Variants in TSPAN14 observed in about 807,000 individuals in gnomAD.
TSPAN14 encodes tetraspanin 14, also known as tetraspanin-14.
A neutral mutation model predicts 36.6 loss-of-function variants in TSPAN14; 16 were observed. That is an observed-to-expected ratio of 0.44 (90% CI 0.30 to 0.66). TSPAN14 has a LOEUF of 0.66. Among genes scored for constraint, TSPAN14 ranks in the 30% least tolerant of loss-of-function variants. The pLI is 0.12. For missense variants in TSPAN14, 231 were observed against 355.1 expected, an observed-to-expected ratio of 0.65 and a Z score of 2.81; for synonymous variants, 139 against 143.8, an observed-to-expected ratio of 0.97 and a Z score of 0.24.
chr10:80,458,097 C>T (rs552203113), intron 1 of TSPAN14, among the ~76,000 whole-genome samples: 17 of 152,316 alleles, frequency 1.1e-4, no homozygotes, highest in African/African-American at 4.1e-4. Flanking sequence ...CCATCCGCTA[C>T]CTGGATGTGG....
Position 80,500,314 on chromosome 10 carries a change from CTTTTTTTTTTTTTT to C in TSPAN14, c.82-4395_82-4382del, listed in dbSNP as rs144759161. Among the ~76,000 whole-genome samples, 73 of 47,896 alleles carry C rather than the reference CTTTTTTTTTTTTTT, an allele frequency of 1.5e-3. 1 individual carries two copies. The highest frequency in any genetic ancestry group is 4.0e-3 in the African/African-American group (47 of 11,686). The allele number at this position is 47,896 out of a possible 152,430, so 31.4% of individuals were successfully genotyped here. On this transcript the variant is annotated intron_variant, in intron 2 of 8. Transcript: ENST00000429989. The stretch of plus-strand genomic sequence containing the variant: ...AATGAAAACAACACAAGGCCTTATT[CTTTTTTTTTTTTTT>C]TTTTTTTTTTTTTTTTTTGAGACGA...
At chr10:80,506,736 T>G (rs1190073255) in intron 3 of TSPAN14, among the ~76,000 whole-genome samples, 1 of 152,236 alleles carries the variant, frequency 6.6e-6, no homozygotes, top group Non-Finnish European at 1.5e-5. Context: ...AACACCTCCA[T>G]TGGTGTAGAA....
intron 5 of TSPAN14, among the ~76,000 whole-genome samples, chr10:80,511,372 G>C (rs150226780): frequency 6.6e-6 from 1 of 152,162 alleles, no homozygotes; most frequent in Non-Finnish European, 1.5e-5. Flanking sequence ...GAATTCACTT[G>C]CAAGTTTCTC....
intron 1 of TSPAN14, among the ~76,000 whole-genome samples, chr10:80,478,333 TAATA>T (rs967923717): frequency 1.3e-5 from 2 of 151,594 alleles, no homozygotes; most frequent in Non-Finnish European, 2.9e-5. Flanking sequence ...AGGAGATGAA[TAATA>T]AATAAGGCAG....
intron 1 of TSPAN14, among the ~76,000 whole-genome samples, chr10:80,469,780 C>T (rs573199265): frequency 1.3e-5 from 2 of 152,258 alleles, no homozygotes; most frequent in Admixed American, 1.3e-4. Flanking sequence ...TGTTTTAGCT[C>T]TGTAAATCTT....
At chr10:80,474,727 G>A (rs1446941430) in intron 1 of TSPAN14, among the ~76,000 whole-genome samples, 4 of 152,082 alleles carry the variant, frequency 2.6e-5, no homozygotes, top group African/African-American at 7.2e-5. Flanking sequence ...TGGGGAGCTC[G>A]CAGTGCCTTT....
chr10:80,481,988 C>G (rs759726666), intron 1 of TSPAN14, among the ~76,000 whole-genome samples: 1 of 152,044 alleles, frequency 6.6e-6, no homozygotes, highest in Non-Finnish European at 1.5e-5. Context: ...CTCCTGACCT[C>G]GTGATCCTCC....
chr10:80,487,275 C>T (rs1287590118), intron 1 of TSPAN14, among the ~76,000 whole-genome samples: 1 of 148,720 alleles, frequency 6.7e-6, no homozygotes, highest in Non-Finnish European at 1.5e-5. Context: ...AAGCTGATAC[C>T]TGATCTGCTG....
At chr10:80,474,016 G>C (rs1485480426) in intron 1 of TSPAN14, among the ~76,000 whole-genome samples, 1 of 152,076 alleles carries the variant, frequency 6.6e-6, no homozygotes, top group Non-Finnish European at 1.5e-5. Flanking sequence ...CTCTCCCTGG[G>C]CCTGCCTGTT....
chr10:80,482,995 A>G (rs1358323356), intron 1 of TSPAN14, among the ~76,000 whole-genome samples: 1 of 152,070 alleles, frequency 6.6e-6, no homozygotes, highest in African/African-American at 2.4e-5. Flanking sequence ...TCAGCCTCCC[A>G]AAGTGCTGGG....
chr10:80,490,196 T>C (rs1337768654), intron 2 of TSPAN14, among the ~76,000 whole-genome samples: 1 of 152,092 alleles, frequency 6.6e-6, no homozygotes, highest in Non-Finnish European at 1.5e-5. Flanking sequence ...GGTTCTGAGA[T>C]GGGATTTGGG....
chr10:80,473,296 G>T (rs1161856171), intron 1 of TSPAN14, among the ~76,000 whole-genome samples: 3 of 152,140 alleles, frequency 2.0e-5, no homozygotes, highest in African/African-American at 7.2e-5. Flanking sequence ...TAATGAGGAG[G>T]CCCCTCGGTG....
chr10:80,457,429 TC>T (rs1320075441), intron 1 of TSPAN14, among the ~76,000 whole-genome samples: 2 of 152,148 alleles, frequency 1.3e-5, no homozygotes, highest in Admixed American at 6.5e-5. Flanking sequence ...CCTCAAGTGA[TC>T]CGCCCGCCTC....
chr10:80,467,464 C>T (rs1372255119), intron 1 of TSPAN14, among the ~76,000 whole-genome samples: 3 of 152,152 alleles, frequency 2.0e-5, no homozygotes, highest in African/African-American at 7.2e-5. Context: ...TGGTGGGTCA[C>T]TTCCTGGGGT....
In TSPAN14 at chr10:80,515,798, C is replaced by A. The variant is rs2292695; in HGVS notation, c.622-406C>A. 44 of 167,018 alleles carry A rather than the reference C, an allele frequency of 2.6e-4. 2 individuals carry two copies. In the East Asian group the frequency reaches 7.0e-3, roughly 27 times the overall value. 10.3% of individuals were successfully genotyped at this position (167,018 alleles called of 1,614,324 possible). Reference sequence around the variant, plus strand: ...GAGCTTACTGGTGGGATGCCCGCTCCGAGAAGCACCCTTCTTCTCTTCTTA... The same window carrying A: ...GAGCTTACTGGTGGGATGCCCGCTCAGAGAAGCACCCTTCTTCTCTTCTTA... On this transcript the variant is annotated intron_variant, in intron 7 of 8. Coordinates refer to ENST00000429989, the Ensembl canonical transcript of TSPAN14.
At chr10:80,473,463 C>T (rs1846670501) in intron 1 of TSPAN14, among the ~76,000 whole-genome samples, 2 of 152,118 alleles carry the variant, frequency 1.3e-5, no homozygotes, top group African/African-American at 2.4e-5. Flanking sequence ...CCCAGCCTCT[C>T]CTGCACCTGC....
At chr10:80,505,035 G>A (rs1292730494) in intron 3 of TSPAN14, among the ~76,000 whole-genome samples, 1 of 152,186 alleles carries the variant, frequency 6.6e-6, no homozygotes, top group Non-Finnish European at 1.5e-5. Flanking sequence ...GTATGCAGCT[G>A]TGCCCAGAGC....
At chr10:80,501,046 T>A (rs1169156677) in intron 2 of TSPAN14, among the ~76,000 whole-genome samples, 1 of 152,052 alleles carries the variant, frequency 6.6e-6, no homozygotes, top group African/African-American at 2.4e-5. Context: ...ACAAAACAAC[T>A]AAAACAGCAC....
At chr10:80,477,421 C>T (rs1009604830) in intron 1 of TSPAN14, among the ~76,000 whole-genome samples, 1 of 152,296 alleles carries the variant, frequency 6.6e-6, no homozygotes, top group East Asian at 1.9e-4. Context: ...TGTAATTTTG[C>T]TTTCTCCTAA....
Sources: gnomAD v4.1 joint callset for allele counts (sites outside exome capture counted in the v4.1 genomes callset) on GRCh38, gnomAD v4.1.1 for gene constraint, MANE v1.5 for transcripts, NCBI Gene and HGNC (gene_info 2026-07-23, HGNC 2026-07-21) for gene names.